NDUFA10: variants seen among roughly 807,000 people sequenced by gnomAD.
NDUFA10 encodes the protein NADH dehydrogenase [ubiquinone] 1 alpha subcomplex subunit 10, mitochondrial.
In NDUFA10, 40 loss-of-function variants were observed where a neutral mutation model predicts 47.8. That is an observed-to-expected ratio of 0.84 (90% CI 0.65 to 1.09). The LOEUF is 1.09. Ranked by LOEUF, NDUFA10 falls within the 50% of genes least tolerant of loss-of-function variation. NDUFA10 has a pLI of 0.00. For synonymous variants in NDUFA10, 183 were observed against 172.2 expected (o/e 1.06, Z -0.49); for missense variants, 413 against 451.1 (o/e 0.92, Z 0.76).
chr2:240,020,123 G>A (rs1384112641), intron 3 of NDUFA10, among the ~76,000 whole-genome samples: 1 of 152,210 alleles, frequency 6.6e-6, no homozygotes, highest in East Asian at 1.9e-4. Context: ...GAGACCTGAA[G>A]GAGCATAGGC....
chr2:239,934,739 C>T (rs548289576), intron 4 of NDUFA10, among the ~76,000 whole-genome samples: 1 of 152,326 alleles, frequency 6.6e-6, no homozygotes, highest in African/African-American at 2.4e-5. Context: ...CAGGTCTCAG[C>T]GCAGCGTTCT....
chr2:240,014,463 C>T (rs1163527122), intron 5 of NDUFA10: 2 of 474,696 alleles, frequency 4.2e-6, no homozygotes, highest in Admixed American at 3.3e-5. Context: ...AGGCCCTCAC[C>T]AGCCTCCCAA....
intron 4 of NDUFA10, among the ~76,000 whole-genome samples, chr2:239,916,423 CACAG>C (rs918713811): frequency 2.0e-5 from 3 of 151,922 alleles, no homozygotes; most frequent in Admixed American, 2.0e-4. Context: ...AGCGCACACA[CACAG>C]ACACAGACAC....
chr2:240,006,127 G>A (rs917561444), intron 7 of NDUFA10, among the ~76,000 whole-genome samples: 3 of 152,044 alleles, frequency 2.0e-5, no homozygotes, highest in East Asian at 1.9e-4. Context: ...CTTTAGTTTC[G>A]GGAATTTGAG....
chr2:240,025,192 C>T, intron 1 of NDUFA10, 35 bp downstream of exon 1: 1 of 1,180,942 alleles, frequency 8.5e-7, no homozygotes, highest in Non-Finnish European at 1.1e-6. Context: ...GCCACCCTGC[C>T]ACCCCGCCAC....
At chr2:239,947,455 C>A (rs1432178841) in intron 4 of NDUFA10, among the ~76,000 whole-genome samples, 1 of 152,220 alleles carries the variant, frequency 6.6e-6, no homozygotes, top group African/African-American at 2.4e-5. Flanking sequence ...AAGGAAGAAG[C>A]TGGACAAAGA....
At chr2:239,984,162 G>C (rs181920966) in intron 9 of NDUFA10, among the ~76,000 whole-genome samples, 17 of 152,108 alleles carry the variant, frequency 1.1e-4, no homozygotes, top group Non-Finnish European at 1.9e-4. Context: ...AAACCCGGGA[G>C]GTGGAGGTTA....
intron 4 of NDUFA10, among the ~76,000 whole-genome samples, chr2:239,919,526 A>G (rs60987065): frequency 0.22 from 34,018 of 151,940 alleles, 5,267 homozygotes; most frequent in African/African-American, 0.45. Flanking sequence ...GGGTAAGTTG[A>G]AGGAATAACC....
At chr2:239,955,807 G>A (rs1299762314), downstream of NDUFA10, among the ~76,000 whole-genome samples, 1 of 152,156 alleles carries the variant, frequency 6.6e-6, no homozygotes, top group Admixed American at 6.5e-5. Flanking sequence ...GTGGACTCTG[G>A]CTCAGGACCC....
rs567817446 is a variant in NDUFA10, at chr2:239,987,580, T to TA, written c.999+2493dup. On this transcript the variant is annotated intron_variant, in intron 9 of 9. Coordinates refer to ENST00000252711, the MANE Select transcript of NDUFA10 (RefSeq NM_004544.4). This position sits in a 1 kb window ranked among gnomAD's most constrained non-coding sequence, Gnocchi z 4.8. ...TTGGAACATCCCAAACTACCCAAAC[T>TA]AAAAAAAAACAAATAGGTAAAAATG... Among the ~76,000 whole-genome samples the TA allele has an allele frequency of 8.6e-5, 13 of 150,468 alleles. No individual in the cohort carries two copies. The highest frequency in any genetic ancestry group is 2.1e-4 in the South Asian group (1 of 4,748).
intron 4 of NDUFA10, among the ~76,000 whole-genome samples, chr2:239,940,887 T>C (rs1049241206): frequency 5.3e-5 from 8 of 152,244 alleles, no homozygotes; most frequent in Non-Finnish European, 1.0e-4. Flanking sequence ...AACAGAGTTA[T>C]AAGATAGTTC....
In NDUFA10 at chr2:239,957,567, T is replaced by C. The variant is rs571547896; in HGVS notation, c.*3551A>G. The C allele has an allele frequency of 2.0e-5, 3 of 152,374 alleles. No individual in the cohort carries two copies. The South Asian group carries it at 6.2e-4, about 32-fold the overall frequency. 9.4% of individuals were successfully genotyped at this position (152,374 alleles called of 1,614,324 possible). A position where few individuals can be genotyped will look rare whatever the true frequency, so the allele number is the denominator to read the frequency against. ...GAATTTTAAAACTATACATCAATAG[T>C]AAAAGCGAATGAGCAAACTTACTCA... On this transcript the variant is annotated 3_prime_UTR_variant, in exon 10 of 10. Transcript: ENST00000252711.
chr2:239,983,129 C>T (rs1695848876), intron 9 of NDUFA10, among the ~76,000 whole-genome samples: 2 of 152,176 alleles, frequency 1.3e-5, no homozygotes, highest in Non-Finnish European at 2.9e-5. Flanking sequence ...CCTGAGGGGC[C>T]CCCTGAGCAC....
intron 8 of NDUFA10, among the ~76,000 whole-genome samples, chr2:240,000,644 C>T (rs1696671561): frequency 6.6e-6 from 1 of 152,218 alleles, no homozygotes; most frequent in Non-Finnish European, 1.5e-5. Flanking sequence ...ACCACTCACT[C>T]ACTGACTCAC....
chr2:239,960,815 C>A lies in NDUFA10; in HGVS notation c.*303G>T. On this transcript the variant is annotated 3_prime_UTR_variant, in exon 10 of 10. Transcript: ENST00000252711. ...CAACCTGAATGACACAGAGCGGCAG[C>A]GCTGAAACCACAGGGGCTGCCGAGA... 2.3e-6 allele frequency: 3 copies of A among 1,307,106 alleles called. No homozygotes were observed. Among genetic ancestry groups the A allele is most frequent in the South Asian group, 3.1e-5 (2 of 65,278 alleles). The allele number at this position is 1,307,106 out of a possible 1,614,324, so 81.0% of individuals were successfully genotyped here. A position where few individuals can be genotyped will look rare whatever the true frequency, so the allele number is the denominator to read the frequency against.
chr2:239,906,349 G>A lies in NDUFA10; in HGVS notation c.295-11035C>T, dbSNP rs560424200. Among the ~76,000 whole-genome samples, 9 of 152,106 alleles carry A rather than the reference G, an allele frequency of 5.9e-5. No individual in the cohort carries two copies. Among genetic ancestry groups the A allele is most frequent in the Admixed American group, 5.2e-4 (8 of 15,270 alleles). On this transcript the variant is annotated intron_variant, in intron 4 of 5. Transcript: ENST00000419408. The surrounding 1 kb of genome is among the most constrained non-coding windows in gnomAD (Gnocchi z 4.3). Reference sequence around the variant, plus strand: ...CACTGACCACGCCCTGTTGATAGACGCCGAGGCCATTTTCTGGGATACTCA... The same window carrying A: ...CACTGACCACGCCCTGTTGATAGACACCGAGGCCATTTTCTGGGATACTCA...
chr2:240,001,820 C>G (rs1358962181), intron 8 of NDUFA10, among the ~76,000 whole-genome samples: 1 of 152,164 alleles, frequency 6.6e-6, no homozygotes. Context: ...TTCAATGACT[C>G]AGAGAAACTT....
chr2:239,892,908 AGG>A (rs1442185094), intron 5 of NDUFA10, among the ~76,000 whole-genome samples: 1 of 152,200 alleles, frequency 6.6e-6, no homozygotes, highest in African/African-American at 2.4e-5. Flanking sequence ...AGGAAACCAC[AGG>A]GGACAGCATC....
At position 240,021,168 on chromosome 2, in the gene NDUFA10, A is replaced by T. The variant is rs751718545; in HGVS notation, c.460+29T>A. 1.9e-6 allele frequency: 3 copies of T among 1,584,722 alleles called. No homozygotes were observed. In the South Asian group the frequency reaches 3.3e-5, roughly 18 times the overall value. ...TTCTAGAATAGTGTTCAAGTACAGA[A>T]CAGATCTAACTGCCCAGAAATACTG... On this transcript the variant is annotated intron_variant, in intron 3 of 9. Coordinates refer to ENST00000252711, the MANE Select transcript of NDUFA10 (RefSeq NM_004544.4).
Sources: gnomAD v4.1 joint callset for allele counts (sites outside exome capture counted in the v4.1 genomes callset) on GRCh38, gnomAD v4.1.1 for gene constraint, Gnocchi (gnomAD v3.1) non-coding constraint, MANE v1.5 for transcripts, NCBI Gene and HGNC (gene_info 2026-07-23, HGNC 2026-07-21) for gene names.